Variants in ANKRD31 observed in about 807,000 individuals in gnomAD.
ANKRD31 encodes ankyrin repeat domain-containing protein 31.
A neutral mutation model predicts 186.0 loss-of-function variants in ANKRD31; 147 were observed. That is an observed-to-expected ratio of 0.79 (90% CI 0.69 to 0.91). The LOEUF is 0.91. Among genes scored for constraint, ANKRD31 ranks in the 40% least tolerant of loss-of-function variants. ANKRD31 has a pLI of 0.00. For missense variants in ANKRD31, 1,986 were observed against 2,148.8 expected (o/e 0.92, Z 1.50); for synonymous variants, 673 against 736.4 (o/e 0.91, Z 1.39).
chr5:75,135,213 G>C (rs1014363844), intron 17 of ANKRD31, among the ~76,000 whole-genome samples: 6 of 152,186 alleles, frequency 3.9e-5, no homozygotes, highest in Non-Finnish European at 7.3e-5. Context: ...ATTAGGAAAA[G>C]AGGAAGTCAA....
intron 11 of ANKRD31, among the ~76,000 whole-genome samples, chr5:75,160,356 A>C (rs1342974147): frequency 6.6e-6 from 1 of 152,170 alleles, no homozygotes; most frequent in East Asian, 1.9e-4. Context: ...AAAATCATTA[A>C]AGGAATTAAA....
intron 2 of ANKRD31, among the ~76,000 whole-genome samples, chr5:75,224,679 A>G (rs1275195687): frequency 6.6e-6 from 1 of 152,154 alleles, no homozygotes; most frequent in Non-Finnish European, 1.5e-5. Context: ...CTATAAATAT[A>G]ATCAATGGAA....
At chr5:75,214,062 C>T (rs951955323) in intron 3 of ANKRD31, among the ~76,000 whole-genome samples, 1 of 152,198 alleles carries the variant, frequency 6.6e-6, no homozygotes, top group Admixed American at 6.5e-5. Context: ...GAGTGAGGTA[C>T]CCAAACTTGG....
chr5:75,082,020 G>T (rs935035841), intron 24 of ANKRD31, among the ~76,000 whole-genome samples: 1 of 152,120 alleles, frequency 6.6e-6, no homozygotes, highest in African/African-American at 2.4e-5. Context: ...ACTACTACAA[G>T]AACTCTTTTC....
rs1756248141 is a variant in ANKRD31 at position 75,206,439 on chromosome 5, T to C, written c.375A>G (p.Gly125=). The change falls in exon 5 of 26, where the codon GGA becomes GGG. Residue 125 remains glycine (G), a synonymous_variant. Transcript: ENST00000506364. ...SMFIGSFRQS[G]LSLNHQNIEG... The stretch of plus-strand genomic sequence containing the variant: ...CAATATTTTGGTGGTTCAATGAAAG[T>C]CCAGACTGGCGAAACGACCCAATGA... 1.3e-6 allele frequency: 2 copies of C among 1,488,126 alleles called. No homozygotes were observed. The highest frequency in any genetic ancestry group is 1.8e-6 in the Non-Finnish European group (2 of 1,126,756). The allele number at this position is 1,488,126 out of a possible 1,614,324, so 92.2% of individuals were successfully genotyped here.
At chr5:75,122,296 A>G (rs1276946942) in intron 17 of ANKRD31, among the ~76,000 whole-genome samples, 1 of 42,144 alleles carries the variant, frequency 2.4e-5, no homozygotes, top group Non-Finnish European at 3.6e-5. Flanking sequence ...CCTCCCAACA[A>G]AAAAAAAAGC....
chr5:75,182,047 T>G (rs935217353), intron 10 of ANKRD31, among the ~76,000 whole-genome samples: 1 of 152,140 alleles, frequency 6.6e-6, no homozygotes, highest in African/African-American at 2.4e-5. Context: ...TGGATAGATA[T>G]CTGATAAAAT....
chr5:75,118,439 T>C, intron 17 of ANKRD31, 142 bp from the exon 18 acceptor site: 2 of 803,732 alleles, frequency 2.5e-6, no homozygotes, highest in Non-Finnish European at 3.7e-6. Context: ...TTTATTAAAA[T>C]TGATGTGGCA....
chr5:75,161,151 G>T (rs1009590137), intron 11 of ANKRD31, among the ~76,000 whole-genome samples: 1 of 152,166 alleles, frequency 6.6e-6, no homozygotes, highest in Non-Finnish European at 1.5e-5. Context: ...CTCAGAAGAA[G>T]ACAGAAAAAG....
chr5:75,115,706 G>T (rs1020705160), intron 19 of ANKRD31, among the ~76,000 whole-genome samples: 1 of 152,000 alleles, frequency 6.6e-6, no homozygotes, highest in Non-Finnish European at 1.5e-5. Context: ...AAACCACAAT[G>T]AGATACCATC....
chr5:75,119,628 C>T (rs548496710), intron 17 of ANKRD31, among the ~76,000 whole-genome samples: 3 of 152,284 alleles, frequency 2.0e-5, no homozygotes, highest in African/African-American at 7.2e-5. Flanking sequence ...AATGGAATTG[C>T]TAGGTTGAAT....
chr5:75,174,200 C>A (rs555713354), intron 10 of ANKRD31, among the ~76,000 whole-genome samples: 5 of 152,228 alleles, frequency 3.3e-5, no homozygotes, highest in Non-Finnish European at 4.4e-5. Flanking sequence ...AACTGGATCC[C>A]TTCCTTACAC....
chr5:75,128,262 G>C (rs1749415623), intron 17 of ANKRD31, among the ~76,000 whole-genome samples: 1 of 150,522 alleles, frequency 6.6e-6, no homozygotes, highest in South Asian at 2.1e-4. Context: ...CTGGCAGGGG[G>C]TGGGGGACTA....
intron 9 of ANKRD31, among the ~76,000 whole-genome samples, chr5:75,190,728 T>TTATTATTGACA (rs1755056140): frequency 6.6e-6 from 1 of 152,032 alleles, no homozygotes; most frequent in South Asian, 2.1e-4. Flanking sequence ...ATTGTTATTA[T>TTATTATTGACA]TATTATCTGA....
chr5:75,190,091 C>A (rs537405941), intron 9 of ANKRD31, among the ~76,000 whole-genome samples: 2 of 151,954 alleles, frequency 1.3e-5, no homozygotes, highest in South Asian at 4.2e-4. Context: ...GCAATCACGG[C>A]TCATTGCAGC....
In ANKRD31 at chr5:75,201,002, G is replaced by A. The variant is rs533086045; in HGVS notation, c.404-1328C>T. On this transcript the variant is annotated intron_variant, in intron 5 of 25. Coordinates refer to ENST00000506364, the MANE Select transcript of ANKRD31 (RefSeq NM_001372053.1). ...TCACTGGAATTTCAAGCATATATCT[G>A]AGTCATTCTTTTGGTTTCTTTTGAT... 9.2e-5 allele frequency among the ~76,000 whole-genome samples: 14 copies of A among 152,034 alleles called. No homozygotes were observed. In the East Asian group the frequency reaches 2.3e-3, roughly 25 times the overall value.
chr5:75,202,001 T>G (rs1475127847), intron 5 of ANKRD31, among the ~76,000 whole-genome samples: 1 of 152,198 alleles, frequency 6.6e-6, no homozygotes, highest in Non-Finnish European at 1.5e-5. Flanking sequence ...ACCTATAAAC[T>G]GGAAGCCCCC....
At chr5:75,170,442 A>G (rs1175545718) in intron 10 of ANKRD31, among the ~76,000 whole-genome samples, 4 of 152,148 alleles carry the variant, frequency 2.6e-5, no homozygotes, top group African/African-American at 9.6e-5. Flanking sequence ...ATTAAAAGGT[A>G]AGACTGTCTG....
At chr5:75,225,174 T>C (rs1757558060) in intron 2 of ANKRD31, among the ~76,000 whole-genome samples, 1 of 152,162 alleles carries the variant, frequency 6.6e-6, no homozygotes. Flanking sequence ...ATAGTTATTC[T>C]AAGGAAAAAA....
Sources: gnomAD v4.1 joint callset for allele counts (sites outside exome capture counted in the v4.1 genomes callset) on GRCh38, gnomAD v4.1.1 for gene constraint, MANE v1.5 for transcripts, NCBI Gene and HGNC (gene_info 2026-07-23, HGNC 2026-07-21) for gene names.